Variants in PCDHA7 observed in about 807,000 individuals in gnomAD.
PCDHA7 encodes the protein protocadherin alpha-7.
Under a neutral mutation model 57.2 loss-of-function variants are expected in PCDHA7, and 37 were observed. The ratio of observed to expected loss-of-function variants is 0.65; its 90% CI spans 0.50 to 0.85. The LOEUF is 0.85. Ranked by LOEUF, PCDHA7 falls within the 40% of genes least tolerant of loss-of-function variation. The pLI is 0.00. For synonymous variants in PCDHA7, 553 were observed against 558.8 expected (o/e 0.99, Z 0.15); for missense variants, 1,188 against 1,241.8 (o/e 0.96, Z 0.65).
intron 1 of PCDHA7, among the ~76,000 whole-genome samples, chr5:140,959,381 A>G (rs2095484925): frequency 6.6e-6 from 1 of 152,190 alleles, no homozygotes; most frequent in African/African-American, 2.4e-5. Flanking sequence ...CTCAAAAAAA[A>G]AAGTCACAAA....
chr5:140,885,485 T>C (rs2060611651), intron 1 of PCDHA7, among the ~76,000 whole-genome samples: 1 of 152,188 alleles, frequency 6.6e-6, no homozygotes, highest in Non-Finnish European at 1.5e-5. Context: ...GTGTCAAGTG[T>C]TCTGTTATCT....
chr5:140,884,176 T>C, intron 1 of PCDHA7: 1 of 1,613,372 alleles, frequency 6.2e-7, no homozygotes, highest in South Asian at 1.1e-5. Flanking sequence ...CGACGCGCCC[T>C]CTGGACGAGG....
chr5:140,927,325 C>T, intron 1 of PCDHA7: 6 of 1,614,234 alleles, frequency 3.7e-6, no homozygotes, highest in South Asian at 1.1e-5. Context: ...CCGCTTTACT[C>T]TCCCGAATGC....
At chr5:140,840,473 G>T (rs1487904967) in intron 1 of PCDHA7, among the ~76,000 whole-genome samples, 1 of 151,942 alleles carries the variant, frequency 6.6e-6, no homozygotes, top group African/African-American at 2.4e-5. Flanking sequence ...GGGGAAAAAA[G>T]TTTAAAGGCA....
At chr5:140,949,816 A>G (rs1223140568) in intron 1 of PCDHA7, among the ~76,000 whole-genome samples, 2 of 151,532 alleles carry the variant, frequency 1.3e-5, no homozygotes, top group African/African-American at 4.8e-5. Context: ...TTTGCTTTCT[A>G]TTTGTCCCCT....
rs2150466596 is a variant in PCDHA7 at position 140,850,091 on chromosome 5, G to A, written c.2355+13353G>A. 5 of 1,596,604 alleles carry A rather than the reference G, an allele frequency of 3.1e-6. No individual in the cohort carries two copies. In the African/African-American group the frequency reaches 5.4e-5, roughly 17 times the overall value. On this transcript the variant is annotated intron_variant, in intron 1 of 3. Coordinates refer to ENST00000525929, the MANE Select transcript of PCDHA7 (RefSeq NM_018910.3). ...ACCACGAGGAGCTGGAGCTGCTACA[G>A]TTCCAGGTGAGCGCGCGCGACGCGG...
chr5:140,927,440 C>G (rs782460713), intron 1 of PCDHA7: 2 of 1,614,168 alleles, frequency 1.2e-6, no homozygotes, highest in East Asian at 4.5e-5. Flanking sequence ...AGCGAATACC[C>G]GGAGTTGGTG....
chr5:140,922,272 G>A (rs547313117), intron 1 of PCDHA7, among the ~76,000 whole-genome samples: 37 of 152,312 alleles, frequency 2.4e-4, no homozygotes, highest in African/African-American at 8.7e-4. Flanking sequence ...ATGAAGATTG[G>A]ACCAAGATAT....
At chr5:140,862,660 G>C (rs569424242) in intron 1 of PCDHA7, 56 of 546,542 alleles carry the variant, frequency 1.0e-4, no homozygotes, top group African/African-American at 8.2e-4. Flanking sequence ...GCGGGACCGG[G>C]ACGCGCAGGA....
At chr5:140,848,810 C>T (rs2150250287) in intron 1 of PCDHA7, 1 of 1,591,698 alleles carries the variant, frequency 6.3e-7, no homozygotes, top group East Asian at 2.2e-5. Context: ...GCAGCATCCA[C>T]CTGGAGGTGA....
At chr5:140,976,286 C>G (rs1554237455) in intron 1 of PCDHA7, among the ~76,000 whole-genome samples, 2 of 152,098 alleles carry the variant, frequency 1.3e-5, no homozygotes, top group African/African-American at 2.4e-5. Flanking sequence ...CACAGTGGCT[C>G]AAGCCTGTAA....
chr5:140,869,144 T>A, intron 1 of PCDHA7: 1 of 1,613,654 alleles, frequency 6.2e-7, no homozygotes, highest in Non-Finnish European at 8.5e-7. Context: ...ACCCCACGAC[T>A]ACAGCTCTGG....
intron 1 of PCDHA7, among the ~76,000 whole-genome samples, chr5:140,879,347 T>A (rs530902728): frequency 3.3e-5 from 5 of 152,206 alleles, no homozygotes; most frequent in Admixed American, 2.0e-4. Context: ...GCTGAGAAGA[T>A]GACATTGCCA....
At position 140,967,061 on chromosome 5, in the gene PCDHA7, C is replaced by G. The variant is rs1554229125; in HGVS notation, c.2356-11888C>G. The G allele has an allele frequency of 1.9e-6, 3 of 1,612,886 alleles. No individual in the cohort carries two copies. The Admixed American group carries it at 5.0e-5, about 27-fold the overall frequency. On this transcript the variant is annotated intron_variant, in intron 1 of 3. Coordinates refer to ENST00000525929, the MANE Select transcript of PCDHA7 (RefSeq NM_018910.3). ...GGAGCTGGACCTGACGAGTGGAGCG[C>G]TCTTCGTCAACGAGCGCATTGATCG...
intron 1 of PCDHA7, chr5:140,842,145 G>T (rs2150330392): frequency 6.2e-7 from 1 of 1,613,710 alleles, no homozygotes; most frequent in Non-Finnish European, 8.5e-7. Context: ...GGAGCCAATG[G>T]GGCAATTTCA....
chr5:140,966,516 G>A (rs967570115), intron 1 of PCDHA7: 27 of 436,614 alleles, frequency 6.2e-5, no homozygotes, highest in Admixed American at 4.4e-4. Flanking sequence ...GCAGCAGCAG[G>A]AAGCCGAGCC....
chr5:140,954,996 A>G (rs879953600), intron 1 of PCDHA7, among the ~76,000 whole-genome samples: 16 of 152,214 alleles, frequency 1.1e-4, no homozygotes, highest in Non-Finnish European at 1.6e-4. Flanking sequence ...GCATATGGCT[A>G]GCCAATTCTC....
Position 140,834,431 on chromosome 5 carries a change from G to C in PCDHA7, c.48G>C (p.Leu16=), listed in dbSNP as rs2150217688. The C allele has an allele frequency of 1.2e-6, 2 of 1,611,242 alleles. No homozygotes were observed. The highest frequency in any genetic ancestry group is 1.7e-5 in the Admixed American group (1 of 59,948). The part of the protein sequence containing the change: ...GYDPGGRHLL[L]FIIILAAWEA... ...ACCCAGGGGGCCGACATCTACTGCT[G>C]TTTATTATAATTCTAGCAGCTTGGG... Residue 16 remains leucine, a synonymous_variant, in exon 1 of 4, where the codon CTG becomes CTC. Transcript: ENST00000525929.
intron 1 of PCDHA7, chr5:140,856,273 G>A (rs1554148468): frequency 6.3e-7 from 1 of 1,598,340 alleles, no homozygotes; most frequent in Admixed American, 1.7e-5. Context: ...ACCTTCTGGA[G>A]GTAAATCTGC....
Sources: gnomAD v4.1 joint callset for allele counts (sites outside exome capture counted in the v4.1 genomes callset) on GRCh38, gnomAD v4.1.1 for gene constraint, MANE v1.5 for transcripts, NCBI Gene and HGNC (gene_info 2026-07-23, HGNC 2026-07-21) for gene names.